The following PCTP variants were observed in gnomAD, a reference collection of about 807,000 sequenced individuals.
The protein encoded by PCTP is START domain-containing protein 2.
PCTP carries 27 observed loss-of-function variants against 31.0 expected under a neutral mutation model. The observed-to-expected ratio is 0.87, with a 90% confidence interval of 0.64 to 1.20. PCTP has a LOEUF of 1.20. PCTP is among the 50% of genes most tolerant of loss of function. The probability of loss-of-function intolerance (pLI) is 0.00; values close to 1 mark genes in which losing one functional copy is unlikely to be tolerated. For synonymous variants in PCTP, 108 were observed against 101.2 expected (o/e 1.07, Z -0.40); for missense variants, 287 against 268.2 (o/e 1.07, Z -0.49).
chr17:55,786,636 TTC>T (rs1911756581), intron 2 of PCTP, among the ~76,000 whole-genome samples: 1 of 152,248 alleles, frequency 6.6e-6, no homozygotes, highest in Non-Finnish European at 1.5e-5. Context: ...GTTAAAATTG[TTC>T]TGTTAACTCT....
chr17:55,789,139 A>G (rs1015809005), intron 3 of PCTP, among the ~76,000 whole-genome samples: 3 of 152,218 alleles, frequency 2.0e-5, no homozygotes, highest in African/African-American at 7.2e-5. Context: ...TGGCATATTT[A>G]AAATGCACCC....
chr17:55,795,271 A>G (rs914438774), intron 3 of PCTP, among the ~76,000 whole-genome samples: 2 of 152,046 alleles, frequency 1.3e-5, no homozygotes, highest in African/African-American at 4.8e-5. Context: ...GGGCATTGTA[A>G]CTTCACGTAG....
chr17:55,807,028 C>A (rs1370191244), intron 3 of PCTP, among the ~76,000 whole-genome samples: 1 of 152,056 alleles, frequency 6.6e-6, no homozygotes, highest in Non-Finnish European at 1.5e-5. Flanking sequence ...TATAGAAAAA[C>A]AAAGTAAATC....
chr17:55,810,979 T>C (rs1222526106), intron 3 of PCTP, among the ~76,000 whole-genome samples: 6 of 152,222 alleles, frequency 3.9e-5, no homozygotes, highest in Non-Finnish European at 8.8e-5. Context: ...GCCAGAGTTC[T>C]TTAAAGACAT....
At chr17:55,822,730 C>T in intron 3 of PCTP, 1 of 1,208,326 alleles carries the variant, frequency 8.3e-7, no homozygotes, top group Non-Finnish European at 1.0e-6. Context: ...TACTTACTCT[C>T]ATCCTTTGCT....
At chr17:55,824,678 A>G (rs1294598566), downstream of PCTP, among the ~76,000 whole-genome samples, 3 of 152,192 alleles carry the variant, frequency 2.0e-5, no homozygotes, top group Non-Finnish European at 4.4e-5. Flanking sequence ...TGGGTTTCAT[A>G]TTTAGTCTCC....
intron 1 of PCTP, among the ~76,000 whole-genome samples, chr17:55,762,827 G>A (rs1910410308): frequency 6.6e-6 from 1 of 150,914 alleles, no homozygotes; most frequent in Admixed American, 6.6e-5. Flanking sequence ...GAAGTTATTG[G>A]CTGTTTACAT....
intron 3 of PCTP, among the ~76,000 whole-genome samples, chr17:55,793,421 C>T (rs1912074951): frequency 6.6e-6 from 1 of 152,044 alleles, no homozygotes; most frequent in Non-Finnish European, 1.5e-5. Context: ...ACCCCGTTTC[C>T]CTCCACTTAA....
At chr17:55,839,696 G>A (rs1905896910) in intron 5 of PCTP, among the ~76,000 whole-genome samples, 1 of 151,648 alleles carries the variant, frequency 6.6e-6, no homozygotes. Context: ...CGAGGCGGGC[G>A]GATCACGAGG....
chr17:55,847,798 T>C (rs77704405), downstream of PCTP, among the ~76,000 whole-genome samples: 1,090 of 152,346 alleles, frequency 7.2e-3, 13 homozygotes, highest in African/African-American at 0.025. Flanking sequence ...TGTTCAGGTC[T>C]TCACCTATTG....
chr17:55,835,401 C>A (rs918853966), intron 5 of PCTP, among the ~76,000 whole-genome samples: 4 of 152,178 alleles, frequency 2.6e-5, no homozygotes, highest in African/African-American at 9.7e-5. Context: ...TCACGACAAC[C>A]ATTCACCTTT....
intron 1 of PCTP, among the ~76,000 whole-genome samples, chr17:55,759,462 C>T (rs1910223992): frequency 6.6e-6 from 1 of 152,170 alleles, no homozygotes; most frequent in Non-Finnish European, 1.5e-5. Flanking sequence ...CCAGCAGCAG[C>T]TGCAGCTTTG....
At chr17:55,806,392 G>C (rs527438720) in intron 3 of PCTP, among the ~76,000 whole-genome samples, 1 of 152,266 alleles carries the variant, frequency 6.6e-6, no homozygotes, top group Admixed American at 6.5e-5. Context: ...TGTATATAAT[G>C]TGGTAGAAGT....
the PCTP span, among the ~76,000 whole-genome samples, chr17:55,848,049 A>T: frequency 0.027 from 4,113 of 152,012 alleles, 170 homozygotes; most frequent in African/African-American, 0.088. Flanking sequence ...CAGCCTCCTG[A>T]GTTGCTGGGA....
At chr17:55,822,816 T>C (rs1454114) in exon 4 of PCTP, 210,958 of 1,230,468 alleles carry the variant, frequency 0.17, 19,662 homozygotes, top group African/African-American at 0.36. Flanking sequence ...ATCAAGTTTT[T>C]GGCAAACCCA....
downstream of PCTP, among the ~76,000 whole-genome samples, chr17:55,826,767 C>T (rs143212811): frequency 1.8e-4 from 27 of 152,304 alleles, no homozygotes; most frequent in Admixed American, 4.6e-4. Flanking sequence ...AGACATCCTA[C>T]GTGATCCTTC....
chr17:55,784,114 C>T (rs1443109209), intron 2 of PCTP, among the ~76,000 whole-genome samples: 2 of 152,148 alleles, frequency 1.3e-5, no homozygotes, highest in African/African-American at 2.4e-5. Context: ...CCACTCACCC[C>T]GTCTGACATC....
downstream of PCTP, among the ~76,000 whole-genome samples, chr17:55,846,021 C>G (rs957729894): frequency 1.3e-5 from 2 of 151,988 alleles, no homozygotes; most frequent in African/African-American, 4.8e-5. Context: ...CTGTTCCTCT[C>G]TGTAGGTTCA....
intron 2 of PCTP, among the ~76,000 whole-genome samples, chr17:55,767,708 G>A (rs1285775380): frequency 4.0e-5 from 6 of 148,744 alleles, no homozygotes; most frequent in Admixed American, 6.7e-5. Context: ...CAGGTGATCC[G>A]CTTGCCTTGG....
Sources: allele counts gnomAD v4.1 joint callset (sites outside exome capture counted in the v4.1 genomes callset), GRCh38; gene constraint gnomAD v4.1.1; transcripts MANE v1.5; gene names NCBI Gene and HGNC (gene_info 2026-07-23, HGNC 2026-07-21).